Variants in GRIK2 observed in about 807,000 individuals in gnomAD.
The protein encoded by GRIK2 is glutamate ionotropic receptor kainate type subunit 2, also known as glutamate receptor ionotropic, kainate 2.
GRIK2 carries 32 observed loss-of-function variants against 100.3 expected under a neutral mutation model. The ratio of observed to expected loss-of-function variants is 0.32; its 90% CI spans 0.24 to 0.43. GRIK2 has a LOEUF of 0.43. GRIK2 is among the 20% of genes least tolerant of loss of function. GRIK2 has a pLI of 1.00. For synonymous variants in GRIK2, 417 were observed against 389.4 expected (o/e 1.07, Z -0.83); for missense variants, 843 against 1,114.9 (o/e 0.76, Z 3.47).
intron 2 of GRIK2, among the ~76,000 whole-genome samples, chr6:101,505,788 A>AAC (rs898449494): frequency 2.6e-5 from 4 of 151,744 alleles, no homozygotes; most frequent in African/African-American, 9.7e-5. Flanking sequence ...AAAAAAAAAA[A>AAC]AAAACTAGAA....
chr6:101,600,885 T>C (rs974584965), intron 2 of GRIK2, among the ~76,000 whole-genome samples: 1 of 151,800 alleles, frequency 6.6e-6, no homozygotes, highest in Non-Finnish European at 1.5e-5. Context: ...TTCTGATTTG[T>C]ATTCCTTTTT....
At chr6:101,505,505 C>T (rs1773975337) in intron 2 of GRIK2, among the ~76,000 whole-genome samples, 1 of 152,128 alleles carries the variant, frequency 6.6e-6, no homozygotes, top group African/African-American at 2.4e-5. Context: ...ATGATTGGTC[C>T]TATTATACCA....
At chr6:101,490,531 C>G (rs1313104308) in intron 2 of GRIK2, among the ~76,000 whole-genome samples, 1 of 146,668 alleles carries the variant, frequency 6.8e-6, no homozygotes, top group Non-Finnish European at 1.5e-5. Flanking sequence ...GGGACTTTAG[C>G]TTCACTCAGA....
chr6:101,794,141 C>G (rs533623913), intron 7 of GRIK2, among the ~76,000 whole-genome samples: 30 of 152,276 alleles, frequency 2.0e-4, no homozygotes, highest in Non-Finnish European at 1.9e-4. Context: ...GGAAAGGGAA[C>G]TCCCTGACCC....
chr6:101,683,824 A>G (rs1415268342), intron 6 of GRIK2, among the ~76,000 whole-genome samples: 1 of 152,176 alleles, frequency 6.6e-6, no homozygotes. Context: ...ATTATCTTAA[A>G]AATTTCAACT....
intron 2 of GRIK2, among the ~76,000 whole-genome samples, chr6:101,577,352 T>A (rs1645671717): frequency 6.6e-6 from 1 of 152,072 alleles, no homozygotes; most frequent in South Asian, 2.1e-4. Flanking sequence ...AATAACAGCA[T>A]TCATTGAATG....
At chr6:101,873,428 TC>T (rs1331436915) in intron 11 of GRIK2, among the ~76,000 whole-genome samples, 3 of 151,970 alleles carry the variant, frequency 2.0e-5, no homozygotes, top group Non-Finnish European at 4.4e-5. Flanking sequence ...CATGAACTCA[TC>T]CTTTTTTATG....
chr6:101,602,770 T>A (rs1208887113), intron 2 of GRIK2, among the ~76,000 whole-genome samples: 3 of 151,656 alleles, frequency 2.0e-5, no homozygotes, highest in Non-Finnish European at 4.4e-5. Context: ...AGCCAGTAAG[T>A]AGTGCTTAAC....
intron 15 of GRIK2, among the ~76,000 whole-genome samples, chr6:102,038,541 AAATT>A (rs1332018102): frequency 6.6e-6 from 1 of 151,420 alleles, no homozygotes; most frequent in East Asian, 1.9e-4. Flanking sequence ...CTCAACTGGG[AAATT>A]AGCATTTGCC....
intron 7 of GRIK2, among the ~76,000 whole-genome samples, chr6:101,706,706 CCAGGCCAATG>C (rs1238491684): frequency 1.3e-5 from 2 of 151,858 alleles, no homozygotes; most frequent in African/African-American, 4.8e-5. Flanking sequence ...AAATTCTTAG[CCAGGCCAATG>C]GGGATTCCTA....
chr6:101,648,005 G>T (rs559374529), intron 4 of GRIK2, among the ~76,000 whole-genome samples: 1 of 152,082 alleles, frequency 6.6e-6, no homozygotes, highest in South Asian at 2.1e-4. Flanking sequence ...GTTAGTAGTA[G>T]TTCTCATCCC....
intron 2 of GRIK2, among the ~76,000 whole-genome samples, chr6:101,585,924 A>C (rs1453957486): frequency 6.6e-6 from 1 of 152,138 alleles, no homozygotes; most frequent in Non-Finnish European, 1.5e-5. Context: ...TGGAAACAAA[A>C]AATGATTAAC....
chr6:101,428,553 AT>A (rs1418047267), intron 2 of GRIK2, among the ~76,000 whole-genome samples: 1 of 152,224 alleles, frequency 6.6e-6, no homozygotes, highest in African/African-American at 2.4e-5. Flanking sequence ...GGAAATGTTG[AT>A]TTAAAAAACT....
At chr6:101,943,380 C>T (rs1228147559) in intron 14 of GRIK2, among the ~76,000 whole-genome samples, 1 of 152,180 alleles carries the variant, frequency 6.6e-6, no homozygotes, top group Non-Finnish European at 1.5e-5. Context: ...ACAGAGTCTC[C>T]ACTGGGGCAC....
chr6:101,685,442 C>A (rs1271169774), intron 6 of GRIK2, among the ~76,000 whole-genome samples: 1 of 152,110 alleles, frequency 6.6e-6, no homozygotes, highest in Non-Finnish European at 1.5e-5. Flanking sequence ...GCTATGCCAA[C>A]TAGAAAGAGG....
intron 5 of GRIK2, among the ~76,000 whole-genome samples, chr6:101,679,591 A>T (rs2128341224): frequency 6.6e-6 from 1 of 152,316 alleles, no homozygotes; most frequent in South Asian, 2.1e-4. Context: ...GCTATAATTA[A>T]AACCAGATCC....
intron 13 of GRIK2, among the ~76,000 whole-genome samples, chr6:101,926,267 A>G (rs1200492112): frequency 1.3e-5 from 2 of 149,874 alleles, no homozygotes; most frequent in African/African-American, 5.0e-5. Context: ...AGTTCTTTCA[A>G]AATAACAGAA....
intron 2 of GRIK2, among the ~76,000 whole-genome samples, chr6:101,473,603 A>G (rs996772452): frequency 6.6e-6 from 1 of 151,844 alleles, no homozygotes; most frequent in Non-Finnish European, 1.5e-5. Context: ...ACTAATTCTT[A>G]TATATTATTT....
At chr6:101,824,789 A>C (rs1009042452) in intron 10 of GRIK2, among the ~76,000 whole-genome samples, 8 of 152,162 alleles carry the variant, frequency 5.3e-5, no homozygotes, top group Non-Finnish European at 1.2e-4. Context: ...TGTGGAAGGT[A>C]TTACAGTATC....
Sources: gnomAD v4.1 joint callset for allele counts (sites outside exome capture counted in the v4.1 genomes callset) on GRCh38, gnomAD v4.1.1 for gene constraint, MANE v1.5 for transcripts, NCBI Gene and HGNC (gene_info 2026-07-23, HGNC 2026-07-21) for gene names.